ANKS4B: variants seen among roughly 807,000 people sequenced by gnomAD.
ANKS4B encodes ankyrin repeat and SAM domain-containing protein 4B.
In ANKS4B, 21 loss-of-function variants were observed where a neutral mutation model predicts 20.2. That is an observed-to-expected ratio of 1.04 (90% CI 0.74 to 1.50). The LOEUF (loss-of-function observed/expected upper bound fraction) is 1.50, where lower values mean the gene tolerates loss of function less well. ANKS4B is among the 40% of genes most tolerant of loss of function. ANKS4B has a pLI of 0.00. For synonymous variants in ANKS4B, 179 were observed against 194.5 expected (o/e 0.92, Z 0.66); for missense variants, 473 against 494.6 (o/e 0.96, Z 0.41).
chr16:21,240,550 T>C (rs369772018), intron 1 of ANKS4B, among the ~76,000 whole-genome samples: 4 of 152,156 alleles, frequency 2.6e-5, no homozygotes, highest in South Asian at 4.1e-4. Flanking sequence ...TTTCACATCA[T>C]ATTGAATAGA....
intron 1 of ANKS4B, among the ~76,000 whole-genome samples, chr16:21,239,580 A>G (rs2093324024): frequency 6.6e-6 from 1 of 152,182 alleles, no homozygotes; most frequent in Non-Finnish European, 1.5e-5. Flanking sequence ...CTCCATCTCA[A>G]AAAACAAACA....
chr16:21,247,440 G>A (rs754939242), intron 1 of ANKS4B, among the ~76,000 whole-genome samples: 4 of 152,162 alleles, frequency 2.6e-5, no homozygotes, highest in African/African-American at 4.8e-5. Context: ...TAGAATGGTC[G>A]TGGCGCACTA....
Position 21,250,299 on chromosome 16 carries a change from G to T in ANKS4B, c.733G>T (p.Asp245Tyr), listed in dbSNP as rs745438438. 7 of 1,614,202 alleles carry T rather than the reference G, an allele frequency of 4.3e-6. No homozygotes were observed. In the South Asian group the frequency reaches 7.7e-5, roughly 18 times the overall value. Reference protein sequence around the residue: ...REEEEDSFSGDFKEKLQLSAE... With the variant: ...REEEEDSFSGYFKEKLQLSAE... ...GGAAGAGGAAGACTCGTTCTCAGGGGACTTCAAAGAGAAGCTCCAGTTGTC... is the reference window on the plus strand; with the variant it reads ...GGAAGAGGAAGACTCGTTCTCAGGGTACTTCAAAGAGAAGCTCCAGTTGTC... Residue 245 changes from aspartate to tyrosine, a missense_variant, in exon 2 of 2, where the codon GAC (aspartate) becomes TAC (tyrosine). Transcript: ENST00000311620.
Position 21,250,021 on chromosome 16 carries a change from G to C in ANKS4B, c.455G>C (p.Arg152Thr). 2 of 1,614,188 alleles carry C rather than the reference G, an allele frequency of 1.2e-6. No individual in the cohort carries two copies. Among genetic ancestry groups the C allele is most frequent in the Non-Finnish European group, 1.7e-6 (2 of 1,180,044 alleles). ...NARRQIKECE[R>T]LQEKHQNKMA... Reference sequence around the variant, plus strand: ...AGGAGGCAGATCAAAGAGTGTGAGAGGCTCCAGGAGAAGCACCAAAATAAG... The same window carrying C: ...AGGAGGCAGATCAAAGAGTGTGAGACGCTCCAGGAGAAGCACCAAAATAAG... The change falls in exon 2 of 2, where the codon AGG becomes ACG. Residue 152 changes from arginine (R) to threonine (T), a missense_variant. Transcript: ENST00000311620.
intron 1 of ANKS4B, among the ~76,000 whole-genome samples, chr16:21,241,819 T>C (rs934519069): frequency 6.7e-6 from 1 of 149,938 alleles, no homozygotes; most frequent in Non-Finnish European, 1.5e-5. Flanking sequence ...TAATTGACTA[T>C]GTGTTATCTT....
intron 1 of ANKS4B, among the ~76,000 whole-genome samples, chr16:21,245,506 CTT>C (rs1416775168): frequency 2.6e-5 from 4 of 152,112 alleles, no homozygotes; most frequent in Admixed American, 2.6e-4. Context: ...CAGAGTCTCA[CTT>C]TGTCACCCAG....
In ANKS4B at chr16:21,233,707, A is replaced by T. The variant is rs2093316373; in HGVS notation, c.-31A>T. The T allele has an allele frequency of 1.2e-6, 2 of 1,608,740 alleles. No individual in the cohort carries two copies. Among genetic ancestry groups the T allele is most frequent in the Non-Finnish European group, 1.7e-6 (2 of 1,177,022 alleles). On this transcript the variant is annotated 5_prime_UTR_variant, in exon 1 of 2. Coordinates refer to ENST00000311620, the MANE Select transcript of ANKS4B (RefSeq NM_145865.3). Reference sequence around the variant, plus strand: ...CCAACACCTTGCTCTGCCTGGAGAGACATCTGGCCAAGTTCTGGTGAGCAG... The same window carrying T: ...CCAACACCTTGCTCTGCCTGGAGAGTCATCTGGCCAAGTTCTGGTGAGCAG...
chr16:21,246,388 CTATAAG>C (rs1461082266), intron 1 of ANKS4B, among the ~76,000 whole-genome samples: 3 of 152,078 alleles, frequency 2.0e-5, no homozygotes, highest in Non-Finnish European at 4.4e-5. Flanking sequence ...GTTTGGACTA[CTATAAG>C]TATGTTAGGG....
Position 21,238,238 on chromosome 16 carries a change from G to A in ANKS4B, c.164+4337G>A, listed in dbSNP as rs145891389. On this transcript the variant is annotated intron_variant, in intron 1 of 1. Coordinates refer to ENST00000311620, the MANE Select transcript of ANKS4B (RefSeq NM_145865.3). Reference sequence around the variant, plus strand: ...TTTAATGTTCTTTTCTTTGGTTGCCGATGAGGTTGAAAATTCTTTTTATGC... The same window carrying A: ...TTTAATGTTCTTTTCTTTGGTTGCCAATGAGGTTGAAAATTCTTTTTATGC... Among the ~76,000 whole-genome samples the A allele has an allele frequency of 8.2e-3, 1,251 of 152,272 alleles. 8 individuals carry two copies. Among genetic ancestry groups the A allele is most frequent in the Non-Finnish European group, 0.013 (866 of 68,022 alleles).
rs1314678939 is a variant in ANKS4B at position 21,249,938 on chromosome 16, G to T, written c.372G>T (p.Gln124His). ...TCCTGGACAAGGCTGCCACTGCACA[G>T]AACATCATGAACCCCAAGAAGGTCA... is the stretch of plus-strand genomic sequence containing the variant. ...VALLDKAATA[Q>H]NIMNPKKVTR... is the part of the protein sequence containing the mutation. The change falls in exon 2 of 2, where the codon CAG becomes CAT. Residue 124 changes from glutamine to histidine, a missense_variant. Coordinates refer to ENST00000311620, the MANE Select transcript of ANKS4B (RefSeq NM_145865.3). 5 of 1,614,206 alleles carry T rather than the reference G, an allele frequency of 3.1e-6. No individual in the cohort carries two copies. Among genetic ancestry groups the T allele is most frequent in the Non-Finnish European group, 8.5e-7 (1 of 1,180,028 alleles).
intron 1 of ANKS4B, among the ~76,000 whole-genome samples, chr16:21,242,238 G>A (rs1426943461): frequency 1.3e-5 from 2 of 152,156 alleles, no homozygotes; most frequent in East Asian, 3.9e-4. Flanking sequence ...CCAGGCTGGA[G>A]TGAAGTGGCA....
Position 21,250,864 on chromosome 16 carries a change from C to T in ANKS4B, c.*44C>T, listed in dbSNP as rs2093338617. On this transcript the variant is annotated 3_prime_UTR_variant, in exon 2 of 2. Coordinates refer to ENST00000311620, the MANE Select transcript of ANKS4B (RefSeq NM_145865.3). ...AGCATTGGGGTGATGCTGTGGCCCG[C>T]TGGCAGCACTCCAGGCGGCACCCCC... is the stretch of plus-strand genomic sequence containing the variant. The T allele has an allele frequency of 2.6e-6, 4 of 1,539,114 alleles. No homozygotes were observed. The highest frequency in any genetic ancestry group is 3.5e-6 in the Non-Finnish European group (4 of 1,140,334).
chr16:21,244,481 T>C (rs1012561305), intron 1 of ANKS4B, among the ~76,000 whole-genome samples: 8 of 152,150 alleles, frequency 5.3e-5, no homozygotes, highest in African/African-American at 9.7e-5. Flanking sequence ...CTTAAGCATA[T>C]ACATTTAACC....
In ANKS4B at chr16:21,251,645, A is replaced by G. The variant is rs1336898973; in HGVS notation, c.*825A>G. 6.6e-6 allele frequency: 1 copy of G among 152,202 alleles called. No individual in the cohort carries two copies. Among genetic ancestry groups the G allele is most frequent in the Non-Finnish European group, 1.5e-5 (1 of 68,048 alleles). 9.4% of individuals were successfully genotyped at this position (152,202 alleles called of 1,614,324 possible). ...TGGCCTGCGGCTTGATGCCCAACTT[A>G]AATGCATCTAACCCTTTAACAAATG... On this transcript the variant is annotated 3_prime_UTR_variant, in exon 2 of 2. Coordinates refer to ENST00000311620, the MANE Select transcript of ANKS4B (RefSeq NM_145865.3).
chr16:21,244,941 C>T (rs181558375), intron 1 of ANKS4B, among the ~76,000 whole-genome samples: 13 of 152,290 alleles, frequency 8.5e-5, no homozygotes, highest in Admixed American at 2.6e-4. Flanking sequence ...ACACTCTGGT[C>T]ACGCTGATCT....
rs938970076 is a variant in ANKS4B at position 21,253,022 on chromosome 16, C to CAAAAAAAAAAAAAAAAAAAAAAAAAAAAA, written c.*2223_*2224insAAAAAAAAAAAAAAAAAAAAAAAAAAAAA. 1.5e-5 allele frequency: 1 copy of CAAAAAAAAAAAAAAAAAAAAAAAAAAAAA among 65,770 alleles called. No individual in the cohort carries two copies. Among genetic ancestry groups the CAAAAAAAAAAAAAAAAAAAAAAAAAAAAA allele is most frequent in the Non-Finnish European group, 3.0e-5 (1 of 33,288 alleles). The allele number at this position is 65,770 out of a possible 1,614,324, so 4.1% of individuals were successfully genotyped here. On this transcript the variant is annotated 3_prime_UTR_variant, in exon 2 of 2. Transcript: ENST00000311620. Reference sequence around the variant, plus strand: ...CCAGGCGGTAAGAGAGACTCCATCTCAAAAAAAAAAAAAAAAAAAAAGAAA... The same window carrying CAAAAAAAAAAAAAAAAAAAAAAAAAAAAA: ...CCAGGCGGTAAGAGAGACTCCATCTCAAAAAAAAAAAAAAAAAAAAAAAAAAAAAAAAAAAAAAAAAAAAAAAAAAGAAA...
intron 1 of ANKS4B, among the ~76,000 whole-genome samples, chr16:21,248,503 G>C (rs937662999): frequency 6.6e-6 from 1 of 151,994 alleles, no homozygotes; most frequent in Non-Finnish European, 1.5e-5. Context: ...GCTGAGGCGG[G>C]TGGATCACCT....
At position 21,251,197 on chromosome 16, in the gene ANKS4B, G is replaced by T; in HGVS notation, c.*377G>T. On this transcript the variant is annotated 3_prime_UTR_variant, in exon 2 of 2. Transcript: ENST00000311620. ...AGTTCACTGTATTCTCAACCTCCTG[G>T]GCTCAAATGATCTCCTCCCACCTCA... The T allele has an allele frequency of 5.9e-6, 1 of 170,116 alleles. No individual in the cohort carries two copies. Among genetic ancestry groups the T allele is most frequent in the South Asian group, 1.5e-4 (1 of 6,574 alleles). 10.5% of individuals were successfully genotyped at this position (170,116 alleles called of 1,614,324 possible). A position where few individuals can be genotyped will look rare whatever the true frequency, so the allele number is the denominator to read the frequency against.
At position 21,250,412 on chromosome 16, in the gene ANKS4B, G is replaced by A. The variant is rs779569210; in HGVS notation, c.846G>A (p.Ser282=). Residue 282 remains serine (S), a synonymous_variant, in exon 2 of 2, where the codon TCG becomes TCA. Coordinates refer to ENST00000311620, the MANE Select transcript of ANKS4B (RefSeq NM_145865.3). ...GSIVFRRNRI[S]SPEDISDSKR... ...TTGTTTTTAGAAGGAACAGGATATC[G>A]AGTCCTGAAGACATCTCAGATAGCA... is the stretch of plus-strand genomic sequence containing the variant. 5.1e-5 allele frequency: 82 copies of A among 1,614,012 alleles called. No homozygotes were observed. Among genetic ancestry groups the A allele is most frequent in the Non-Finnish European group, 6.7e-5 (79 of 1,180,040 alleles).
Sources: gnomAD v4.1 joint callset for allele counts (sites outside exome capture counted in the v4.1 genomes callset) on GRCh38, gnomAD v4.1.1 for gene constraint, MANE v1.5 for transcripts, NCBI Gene and HGNC (gene_info 2026-07-23, HGNC 2026-07-21) for gene names.